Variants in ADARB1 observed in about 807,000 individuals in gnomAD.
ADARB1 encodes the protein adenosine deaminase RNA specific B1, also known as double-stranded RNA-specific editase 1.
Under a neutral mutation model 52.4 loss-of-function variants are expected in ADARB1, and 10 were observed. That is an observed-to-expected ratio of 0.19 (90% CI 0.12 to 0.32). ADARB1 has a LOEUF of 0.32. Ranked by LOEUF, ADARB1 falls within the 10% of genes least tolerant of loss-of-function variation. ADARB1 has a pLI of 1.00. For synonymous variants in ADARB1, 349 were observed against 371.1 expected (o/e 0.94, Z 0.68); for missense variants, 643 against 922.3 (o/e 0.70, Z 3.92).
intron 8 of ADARB1, among the ~76,000 whole-genome samples, chr21:45,199,489 G>C (rs1366624153): frequency 6.6e-6 from 1 of 152,220 alleles, no homozygotes; most frequent in Non-Finnish European, 1.5e-5. Context: ...CGTGGTGCTC[G>C]CAGAAGACAT....
At chr21:45,114,067 A>G (rs1348782791) in intron 1 of ADARB1, among the ~76,000 whole-genome samples, 1 of 152,210 alleles carries the variant, frequency 6.6e-6, no homozygotes, top group Non-Finnish European at 1.5e-5. Flanking sequence ...CTTAGTAGAC[A>G]TACTCTACAT....
At chr21:45,093,336 A>C (rs1030712823) in intron 1 of ADARB1, among the ~76,000 whole-genome samples, 1 of 152,240 alleles carries the variant, frequency 6.6e-6, no homozygotes, top group Middle Eastern at 3.4e-3. Context: ...GACTTTTCTC[A>C]CAACTCCAGG....
chr21:45,173,225 G>A (rs1412887828), intron 3 of ADARB1, among the ~76,000 whole-genome samples: 3 of 152,206 alleles, frequency 2.0e-5, no homozygotes, highest in East Asian at 1.9e-4. Context: ...GCTAAAACGT[G>A]GACATTCTGG....
chr21:45,171,272 T>C (rs1355876045), intron 2 of ADARB1, among the ~76,000 whole-genome samples: 2 of 152,184 alleles, frequency 1.3e-5, no homozygotes, highest in African/African-American at 4.8e-5. Flanking sequence ...AAACCCACCC[T>C]CCTCAGAGTG....
intron 2 of ADARB1, among the ~76,000 whole-genome samples, chr21:45,162,258 A>C (rs568568790): frequency 6.6e-6 from 1 of 152,164 alleles, no homozygotes; most frequent in African/African-American, 2.4e-5. Flanking sequence ...GGTTTCAGCC[A>C]TGGAAGCTGT....
rs573629169 is a variant in ADARB1 at position 45,172,328 on chromosome 21, A to C, written c.28+644A>C. Among the ~76,000 whole-genome samples, 247 of 152,270 alleles carry C rather than the reference A, an allele frequency of 1.6e-3. 1 individual carries two copies. The highest frequency in any genetic ancestry group is 2.2e-3 in the Non-Finnish European group (148 of 68,004). On this transcript the variant is annotated intron_variant, in intron 3 of 10. Transcript: ENST00000348831. The surrounding 1 kb of genome is among the most constrained non-coding windows in gnomAD (Gnocchi z 4.4). The stretch of plus-strand genomic sequence containing the variant: ...AAACAGGTTTAGATGCTTCCACGGA[A>C]GTTGGGAGAGTTTAGTAGAGAAATT...
At chr21:45,151,661 G>A (rs538253799) in intron 2 of ADARB1, among the ~76,000 whole-genome samples, 11 of 152,298 alleles carry the variant, frequency 7.2e-5, no homozygotes, top group South Asian at 2.1e-4. Context: ...CCTGAACAGC[G>A]TTTTTCTAGA....
intron 2 of ADARB1, chr21:45,134,897 G>C (rs2089277147): frequency 9.8e-6 from 5 of 512,202 alleles, no homozygotes; most frequent in South Asian, 7.3e-5. Flanking sequence ...GCCGTTGACA[G>C]CTGGGTGAGT....
chr21:45,092,715 A>G (rs1006320695), intron 1 of ADARB1, among the ~76,000 whole-genome samples: 4 of 152,238 alleles, frequency 2.6e-5, no homozygotes, highest in African/African-American at 9.6e-5. Flanking sequence ...ATTTTGAAGT[A>G]ATGAACAATA....
rs554728755 is a variant in ADARB1 at position 45,150,690 on chromosome 21, A to G, written c.-47-20920A>G. ...CTAACGAGAAGTGAAGGGGCTGGGC[A>G]TGCTGTTTCCAGTGCTTTCATGAGA... On this transcript the variant is annotated intron_variant, in intron 2 of 10. Transcript: ENST00000348831. Among the ~76,000 whole-genome samples the G allele has an allele frequency of 7.8e-4, 119 of 152,284 alleles. 1 individual carries two copies. The South Asian group carries it at 0.024, about 31-fold the overall frequency.
chr21:45,098,862 T>G (rs1359154893), intron 1 of ADARB1, among the ~76,000 whole-genome samples: 1 of 152,222 alleles, frequency 6.6e-6, no homozygotes, highest in Non-Finnish European at 1.5e-5. Flanking sequence ...TGGCATTGAC[T>G]GGACAACTGT....
At chr21:45,138,243 G>A (rs2145880747) in intron 2 of ADARB1, among the ~76,000 whole-genome samples, 1 of 152,330 alleles carries the variant, frequency 6.6e-6, no homozygotes, top group East Asian at 1.9e-4. Context: ...AGTTCACATG[G>A]AGGAGGATTT....
intron 2 of ADARB1, among the ~76,000 whole-genome samples, chr21:45,151,336 T>G (rs1433024526): frequency 6.6e-6 from 1 of 152,250 alleles, no homozygotes; most frequent in Non-Finnish European, 1.5e-5. Context: ...TTGCTTAATA[T>G]GGCATAATTT....
intron 1 of ADARB1, among the ~76,000 whole-genome samples, chr21:45,084,014 T>C (rs2086247209): frequency 6.6e-6 from 1 of 152,156 alleles, no homozygotes; most frequent in Admixed American, 6.5e-5. Flanking sequence ...AAGCATCTCT[T>C]ATAAGCTGTT....
Position 45,204,798 on chromosome 21 carries a change from C to A in ADARB1, c.1747+62C>A. ...CTTGATTTTGCAATGTTTTCATCCT[C>A]ATGAATGAAAAAAACACCACCTGAG... On this transcript the variant is annotated intron_variant, in intron 9 of 10. Coordinates refer to ENST00000348831, the MANE Select transcript of ADARB1 (RefSeq NM_001112.4). The surrounding 1 kb of genome is among the most constrained non-coding windows in gnomAD (Gnocchi z 4.4). 1.9e-6 allele frequency: 3 copies of A among 1,543,434 alleles called. No individual in the cohort carries two copies. The highest frequency in any genetic ancestry group is 2.7e-5 in the African/African-American group (2 of 72,870).
intron 8 of ADARB1, among the ~76,000 whole-genome samples, chr21:45,191,211 T>C (rs1657645507): frequency 6.6e-6 from 1 of 152,256 alleles, no homozygotes; most frequent in African/African-American, 2.4e-5. Context: ...CTATTTATAC[T>C]TTCCTGGTTG....
intron 2 of ADARB1, among the ~76,000 whole-genome samples, chr21:45,155,497 C>G (rs1295703787): frequency 6.6e-6 from 1 of 152,056 alleles, no homozygotes; most frequent in African/African-American, 2.4e-5. Flanking sequence ...CATCCATATA[C>G]CAGTCCATCT....
rs2085847896 is a variant in ADARB1, at chr21:45,074,841, G to T, written c.-220+48G>T. 3 of 148,638 alleles carry T rather than the reference G, an allele frequency of 2.0e-5. No homozygotes were observed. In the South Asian group the frequency reaches 5.6e-4, roughly 28 times the overall value. 9.2% of individuals were successfully genotyped at this position (148,638 alleles called of 1,614,324 possible). ...GCGGCTCGGGCGGGCGCGGGCTCCG[G>T]ACCCCGCGGTGGCGGCGTTTATGTA... On this transcript the variant is annotated intron_variant, in intron 1 of 10. Coordinates refer to ENST00000348831, the MANE Select transcript of ADARB1 (RefSeq NM_001112.4).
At chr21:45,120,565 T>G (rs2088114589) in intron 1 of ADARB1, among the ~76,000 whole-genome samples, 1 of 152,104 alleles carries the variant, frequency 6.6e-6, no homozygotes, top group Non-Finnish European at 1.5e-5. Context: ...TTTTGCCTTC[T>G]TTGGTTCTGT....
Sources: allele counts gnomAD v4.1 joint callset (sites outside exome capture counted in the v4.1 genomes callset), GRCh38; gene constraint gnomAD v4.1.1; non-coding constraint Gnocchi (gnomAD v3.1); transcripts MANE v1.5; gene names NCBI Gene and HGNC (gene_info 2026-07-23, HGNC 2026-07-21).